The following DLGAP3 variants were observed in gnomAD, a reference collection of about 807,000 sequenced individuals.
DLGAP3 encodes DLG associated protein 3, also known as disks large-associated protein 3.
Under a neutral mutation model 81.2 loss-of-function variants are expected in DLGAP3, and 17 were observed. The ratio of observed to expected loss-of-function variants is 0.21; its 90% CI spans 0.14 to 0.31. DLGAP3 has a LOEUF of 0.31. Among genes scored for constraint, DLGAP3 ranks in the 10% least tolerant of loss-of-function variants. The pLI is 1.00. For missense variants in DLGAP3, 1,124 were observed against 1,388.0 expected (o/e 0.81, Z 3.02); for synonymous variants, 577 against 587.4 (o/e 0.98, Z 0.26).
At chr1:34,875,443 T>A (rs987488234) in intron 8 of DLGAP3, among the ~76,000 whole-genome samples, 1 of 152,226 alleles carries the variant, frequency 6.6e-6, no homozygotes, top group South Asian at 2.1e-4. Context: ...CATTCATTAT[T>A]TATCTGATCA....
chr1:34,921,103 A>G (rs1172113899), intron 1 of DLGAP3, among the ~76,000 whole-genome samples: 1 of 152,170 alleles, frequency 6.6e-6, no homozygotes, highest in African/African-American at 2.4e-5. Context: ...GCTTTTTATG[A>G]AACAGAAAAG....
At chr1:34,893,034 C>T (rs889422775) in intron 5 of DLGAP3, among the ~76,000 whole-genome samples, 21 of 151,410 alleles carry the variant, frequency 1.4e-4, no homozygotes, top group South Asian at 4.2e-4. Context: ...TAGCCGGGCG[C>T]GGTGGCGGGC....
chr1:34,913,585 T>A (rs1485357006), intron 1 of DLGAP3, among the ~76,000 whole-genome samples: 1 of 152,192 alleles, frequency 6.6e-6, no homozygotes, highest in Admixed American at 6.6e-5. Flanking sequence ...CTTTGTCTAT[T>A]GCGTGTTTAT....
intron 2 of DLGAP3, among the ~76,000 whole-genome samples, 161 bp downstream of exon 2, chr1:34,907,194 G>A (rs998244225): frequency 4.6e-5 from 7 of 152,148 alleles, no homozygotes; most frequent in African/African-American, 1.7e-4. Flanking sequence ...ATCTTGTAAT[G>A]CAGGTATTAT....
chr1:34,870,146 G>T (rs2148393048), intron 8 of DLGAP3, among the ~76,000 whole-genome samples: 1 of 152,286 alleles, frequency 6.6e-6, no homozygotes, highest in Middle Eastern at 3.4e-3. Flanking sequence ...TCTTGTCTTT[G>T]AGTTAATAAT....
At chr1:34,871,437 C>A (rs952193969) in intron 8 of DLGAP3, among the ~76,000 whole-genome samples, 2 of 152,222 alleles carry the variant, frequency 1.3e-5, no homozygotes, top group African/African-American at 4.8e-5. Flanking sequence ...GAGTACCACA[C>A]CTCCCTCAGC....
At chr1:34,921,301 G>C (rs1381821066) in intron 1 of DLGAP3, among the ~76,000 whole-genome samples, 1 of 152,160 alleles carries the variant, frequency 6.6e-6, no homozygotes, top group African/African-American at 2.4e-5. Flanking sequence ...GGTGGGGCTG[G>C]CAAGGGTGGA....
Position 34,867,396 on chromosome 1 carries a change from C to G in DLGAP3, c.2577+140G>C. ...TGGTCCTACCTCCAGGCACAAGACT[C>G]ACAGCTACCCCAGAAGGCATGCAGG... On this transcript the variant is annotated intron_variant, in intron 10 of 11. Transcript: ENST00000373347. This position sits in a 1 kb window ranked among gnomAD's most constrained non-coding sequence, Gnocchi z 4.3. 1 of 1,048,914 alleles carries G rather than the reference C, an allele frequency of 9.5e-7. No individual in the cohort carries two copies. The highest frequency in any genetic ancestry group is 1.5e-6 in the Non-Finnish European group (1 of 671,122). The allele number at this position is 1,048,914 out of a possible 1,614,324, so 65.0% of individuals were successfully genotyped here.
At position 34,902,037 on chromosome 1, in the gene DLGAP3, GA is replaced by G. The variant is rs1639468270; in HGVS notation, c.1108-1765del. ...GTCCCAGCTTTTCCTATGAGCCAAG[GA>G]AGGGGACGAGGGTGGCTGGGAATTT... On this transcript the variant is annotated intron_variant, in intron 3 of 11. Transcript: ENST00000373347. The surrounding 1 kb of genome is among the most constrained non-coding windows in gnomAD (Gnocchi z 4.4). Among the ~76,000 whole-genome samples the G allele has an allele frequency of 6.6e-6, 1 of 152,184 alleles. No individual in the cohort carries two copies.
intron 8 of DLGAP3, among the ~76,000 whole-genome samples, chr1:34,876,416 A>T (rs1172611231): frequency 6.6e-6 from 1 of 152,226 alleles, no homozygotes; most frequent in African/African-American, 2.4e-5. Flanking sequence ...GATGAGCGAG[A>T]CAGCAGTAAG....
At chr1:34,923,262 C>T (rs1358924158) in intron 1 of DLGAP3, among the ~76,000 whole-genome samples, 1 of 152,154 alleles carries the variant, frequency 6.6e-6, no homozygotes, top group Non-Finnish European at 1.5e-5. Flanking sequence ...GGTGCTAAAA[C>T]CTCCTAGAAA....
chr1:34,886,109 G>A lies in DLGAP3; in HGVS notation c.1563C>T (p.Leu521=). 2 of 1,606,880 alleles carry A rather than the reference G, an allele frequency of 1.2e-6. No homozygotes were observed. The highest frequency in any genetic ancestry group is 1.7e-6 in the Non-Finnish European group (2 of 1,177,874). Residue 521 remains leucine (L), a synonymous_variant, in exon 6 of 12, where the codon CTC becomes CTT. Coordinates refer to ENST00000373347, the MANE Select transcript of DLGAP3 (RefSeq NM_001080418.3). The part of the protein sequence containing the change: ...CSQDDDCLPL[L]ATPAAVSGRP... ...TCCCTGAGACAGCGGCAGGGGTAGC[G>A]AGGAGGGGCAGGCAGTCGTCGTCTT...
At position 34,869,305 on chromosome 1, in the gene DLGAP3, T is replaced by C. The variant is rs558853296; in HGVS notation, c.2001-216A>G. On this transcript the variant is annotated intron_variant, in intron 8 of 11. Coordinates refer to ENST00000373347, the MANE Select transcript of DLGAP3 (RefSeq NM_001080418.3). ...TAGATAGGGGTGATATCCAAGCTATTTAGCAACCAGTTCAGTCCATGGACA... is the reference window on the plus strand; with the variant it reads ...TAGATAGGGGTGATATCCAAGCTATCTAGCAACCAGTTCAGTCCATGGACA... Among the ~76,000 whole-genome samples the C allele has an allele frequency of 1.6e-4, 24 of 152,208 alleles. 1 individual carries two copies. The highest frequency in any genetic ancestry group is 5.8e-4 in the African/African-American group (24 of 41,522).
chr1:34,920,388 T>G (rs948061196), intron 1 of DLGAP3, among the ~76,000 whole-genome samples: 1 of 152,178 alleles, frequency 6.6e-6, no homozygotes, highest in Admixed American at 6.5e-5. Flanking sequence ...AGAACTGCAG[T>G]TGGCATTAGC....
In DLGAP3 at chr1:34,886,327, G is replaced by C. The variant is rs200909115; in HGVS notation, c.1387-42C>G. ...CGGGAGGACAGTTATAAGGTGCCGG[G>C]AGGGGGTGGAAGTCCCTGGGGTGCT... On this transcript the variant is annotated intron_variant, in intron 5 of 11. Coordinates refer to ENST00000373347, the MANE Select transcript of DLGAP3 (RefSeq NM_001080418.3). 366 of 1,517,146 alleles carry C rather than the reference G, an allele frequency of 2.4e-4. 1 individual carries two copies. In the African/African-American group the frequency reaches 4.7e-3, roughly 19 times the overall value. 94.0% of individuals were successfully genotyped at this position (1,517,146 alleles called of 1,614,324 possible). A position where few individuals can be genotyped will look rare whatever the true frequency, so the allele number is the denominator to read the frequency against.
chr1:34,915,494 C>T (rs1375576299), intron 1 of DLGAP3, among the ~76,000 whole-genome samples: 1 of 152,220 alleles, frequency 6.6e-6, no homozygotes, highest in African/African-American at 2.4e-5. Context: ...CTGGCCCAGG[C>T]ATCTGGTCCC....
intron 1 of DLGAP3, among the ~76,000 whole-genome samples, chr1:34,918,602 T>G (rs973624664): frequency 1.3e-5 from 2 of 152,134 alleles, no homozygotes; most frequent in South Asian, 4.1e-4. Context: ...TCCGATTGGC[T>G]GAAAAGTGGG....
At chr1:34,924,726 C>T (rs1163451830) in intron 1 of DLGAP3, among the ~76,000 whole-genome samples, 3 of 152,168 alleles carry the variant, frequency 2.0e-5, no homozygotes, top group East Asian at 1.9e-4. Flanking sequence ...AACTCTACCC[C>T]GATAATAACA....
intron 1 of DLGAP3, among the ~76,000 whole-genome samples, chr1:34,912,567 G>A (rs895023016): frequency 6.6e-6 from 1 of 152,138 alleles, no homozygotes; most frequent in African/African-American, 2.4e-5. Context: ...CCCTCACCTG[G>A]AGCCTATGAG....
Sources: gnomAD v4.1 joint callset for allele counts (sites outside exome capture counted in the v4.1 genomes callset) on GRCh38, gnomAD v4.1.1 for gene constraint, Gnocchi (gnomAD v3.1) non-coding constraint, MANE v1.5 for transcripts, NCBI Gene and HGNC (gene_info 2026-07-23, HGNC 2026-07-21) for gene names.